Variants in SLC38A4 observed in about 807,000 individuals in gnomAD.
SLC38A4 encodes the protein sodium-coupled neutral amino acid transporter 4.
SLC38A4 carries 20 observed loss-of-function variants against 63.1 expected under a neutral mutation model. The ratio of observed to expected loss-of-function variants is 0.32; its 90% CI spans 0.22 to 0.46. The LOEUF is 0.46. Ranked by LOEUF, SLC38A4 falls within the 20% of genes least tolerant of loss-of-function variation. The pLI is 1.00. For synonymous variants in SLC38A4, 230 were observed against 225.5 expected, an observed-to-expected ratio of 1.02 and a Z score of -0.18; for missense variants, 526 against 663.6, an observed-to-expected ratio of 0.79 and a Z score of 2.28.
At chr12:46,794,521 CAA>C (rs1261680658) in intron 2 of SLC38A4, among the ~76,000 whole-genome samples, 4 of 148,834 alleles carry the variant, frequency 2.7e-5, no homozygotes, top group East Asian at 2.0e-4. Context: ...CAGGCTGTTG[CAA>C]AAAGAGTCAA....
At chr12:46,767,722 G>T (rs1938328950) in intron 16 of SLC38A4, among the ~76,000 whole-genome samples, 1 of 152,104 alleles carries the variant, frequency 6.6e-6, no homozygotes, top group Middle Eastern at 3.4e-3. Flanking sequence ...TTCCTTATTG[G>T]AAAAACAATT....
At chr12:46,803,447 T>G (rs1352132971) in intron 2 of SLC38A4, among the ~76,000 whole-genome samples, 156 bp downstream of exon 2, 1 of 152,088 alleles carries the variant, frequency 6.6e-6, no homozygotes, top group African/African-American at 2.4e-5. Context: ...TGTTTGACAT[T>G]ATACTGAATT....
chr12:46,780,368 G>T (rs1035681605), intron 7 of SLC38A4, among the ~76,000 whole-genome samples: 1 of 151,990 alleles, frequency 6.6e-6, no homozygotes, highest in Non-Finnish European at 1.5e-5. Context: ...TATAACTTGG[G>T]CAGTAGTCTG....
At chr12:46,820,965 C>G (rs1204775784) in intron 1 of SLC38A4, among the ~76,000 whole-genome samples, 1 of 151,920 alleles carries the variant, frequency 6.6e-6, no homozygotes, top group African/African-American at 2.4e-5. Flanking sequence ...GTTGGCCATT[C>G]GTATGTCTTT....
In SLC38A4 at chr12:46,796,474, G is replaced by A. The variant is rs952558474; in HGVS notation, c.-112-3291C>T. The stretch of plus-strand genomic sequence containing the variant: ...TGTTCATATTTGTGAATGACAGAGC[G>A]CATCGATTAGCTTGGACAGCTGGTA... On this transcript the variant is annotated intron_variant, in intron 2 of 16. Transcript: ENST00000266579. Among the ~76,000 whole-genome samples the A allele has an allele frequency of 4.6e-5, 7 of 152,156 alleles. 1 individual carries two copies. The highest frequency in any genetic ancestry group is 3.3e-4 in the Admixed American group (5 of 15,276).
intron 1 of SLC38A4, among the ~76,000 whole-genome samples, chr12:46,807,896 C>CG (rs994083710): frequency 1.3e-5 from 2 of 150,230 alleles, no homozygotes; most frequent in Non-Finnish European, 3.0e-5. Flanking sequence ...GTTACCCCCC[C>CG]CCCCAAAGCC....
At chr12:46,830,571 G>C (rs1939718147), upstream of SLC38A4, among the ~76,000 whole-genome samples, 1 of 152,088 alleles carries the variant, frequency 6.6e-6, no homozygotes, top group African/African-American at 2.4e-5. Flanking sequence ...GCTAGAAATC[G>C]GGAACAGGCC....
intron 13 of SLC38A4, among the ~76,000 whole-genome samples, chr12:46,775,620 A>G (rs1165439672): frequency 1.3e-5 from 2 of 151,994 alleles, no homozygotes; most frequent in African/African-American, 2.4e-5. Flanking sequence ...AATGATTGCT[A>G]CCATTTTTTC....
intron 12 of SLC38A4, among the ~76,000 whole-genome samples, chr12:46,777,849 G>T (rs1938562182): frequency 2.0e-5 from 3 of 152,018 alleles, no homozygotes; most frequent in Non-Finnish European, 4.4e-5. Flanking sequence ...CACATCTCTT[G>T]TAATGAATGT....
rs1430957321 is a variant in SLC38A4 at position 46,764,880 on chromosome 12, A to G, written c.*1821T>C. ...AAGAAAATAAAATTTTCATCTGTTT[A>G]CAAATGGGGTTAAATTAATCAGCAC... On this transcript the variant is annotated 3_prime_UTR_variant, in exon 17 of 17. Coordinates refer to ENST00000266579, the MANE Select transcript of SLC38A4 (RefSeq NM_018018.5). 1 of 152,626 alleles carries G rather than the reference A, an allele frequency of 6.6e-6. No individual in the cohort carries two copies. The highest frequency in any genetic ancestry group is 2.4e-5 in the African/African-American group (1 of 41,470). 9.5% of individuals were successfully genotyped at this position (152,626 alleles called of 1,614,324 possible).
chr12:46,831,087 T>C (rs553320035), intron 1 of SLC38A4, among the ~76,000 whole-genome samples: 11 of 152,314 alleles, frequency 7.2e-5, no homozygotes, highest in Non-Finnish European at 1.6e-4. Context: ...AAGGGCAATC[T>C]TCCATCTCTG....
At chr12:46,798,506 A>G (rs1391072122) in intron 2 of SLC38A4, among the ~76,000 whole-genome samples, 2 of 152,094 alleles carry the variant, frequency 1.3e-5, no homozygotes, top group East Asian at 1.9e-4. Flanking sequence ...ATAGTATCCA[A>G]CTTAGTCTGG....
At chr12:46,792,884 A>G (rs1938919265) in intron 3 of SLC38A4, 69 bp downstream of exon 3, 2 of 1,122,118 alleles carry the variant, frequency 1.8e-6, no homozygotes, top group Admixed American at 3.4e-5. Context: ...CTTCCCATCA[A>G]GACCCTGTTT....
chr12:46,827,845 C>A (rs1373215189), upstream of SLC38A4, among the ~76,000 whole-genome samples: 2 of 152,196 alleles, frequency 1.3e-5, no homozygotes, highest in Admixed American at 1.3e-4. Context: ...TAAATCCTAA[C>A]ATTAAAAGCA....
Position 46,793,095 on chromosome 12 carries a change from CCA to C in SLC38A4, c.-26_-25del. The C allele has an allele frequency of 2.0e-6, 3 of 1,537,902 alleles. No individual in the cohort carries two copies. The highest frequency in any genetic ancestry group is 2.7e-6 in the Non-Finnish European group (3 of 1,111,570). ...ATTTGAGCTGTCAGCGCTTTCTTGT[CCA>C]CACACAAGCCCCTTCAGTGTAAATA... On this transcript the variant is annotated 5_prime_UTR_variant, in exon 3 of 17. Transcript: ENST00000266579.
chr12:46,811,500 G>T (rs1176989977), intron 1 of SLC38A4, among the ~76,000 whole-genome samples: 3 of 152,014 alleles, frequency 2.0e-5, no homozygotes, highest in Non-Finnish European at 4.4e-5. Context: ...GTTTCTGAAA[G>T]AATAGAAAAC....
chr12:46,806,439 G>C (rs577116814), intron 1 of SLC38A4, among the ~76,000 whole-genome samples: 1 of 151,998 alleles, frequency 6.6e-6, no homozygotes, highest in Non-Finnish European at 1.5e-5. Context: ...AGGTGGTGGT[G>C]GAGGTGGAGG....
intron 2 of SLC38A4, among the ~76,000 whole-genome samples, chr12:46,793,795 C>A (rs938840423): frequency 2.6e-5 from 4 of 152,110 alleles, no homozygotes; most frequent in Non-Finnish European, 5.9e-5. Context: ...TCTGGGTCAG[C>A]ATTACTCATC....
chr12:46,818,121 G>C (rs1297152051), intron 1 of SLC38A4, among the ~76,000 whole-genome samples: 1 of 151,852 alleles, frequency 6.6e-6, no homozygotes, highest in Non-Finnish European at 1.5e-5. Flanking sequence ...GTAGTAGGGA[G>C]AACATGTAAG....
Sources: allele counts gnomAD v4.1 joint callset (sites outside exome capture counted in the v4.1 genomes callset), GRCh38; gene constraint gnomAD v4.1.1; transcripts MANE v1.5; gene names NCBI Gene and HGNC (gene_info 2026-07-23, HGNC 2026-07-21).